The following GLIS3 variants were observed in gnomAD, a reference collection of about 807,000 sequenced individuals.
GLIS3 encodes GLIS family zinc finger 3, also known as zinc finger protein GLIS3.
A neutral mutation model predicts 78.6 loss-of-function variants in GLIS3; 53 were observed. The observed-to-expected ratio is 0.67, with a 90% CI of 0.54 to 0.85. GLIS3 has a LOEUF of 0.85. Among genes scored for constraint, GLIS3 ranks in the 40% least tolerant of loss-of-function variants. GLIS3 has a pLI of 0.00. For missense variants in GLIS3, 1,703 were observed against 1,231.1 expected, an observed-to-expected ratio of 1.38 and a Z score of -5.74; for synonymous variants, 684 against 509.9, an observed-to-expected ratio of 1.34 and a Z score of -4.60.
At chr9:4,188,479 CG>C (rs1818015575) in intron 2 of GLIS3, among the ~76,000 whole-genome samples, 1 of 149,656 alleles carries the variant, frequency 6.7e-6, no homozygotes, top group Admixed American at 6.7e-5. Flanking sequence ...TGTCTCTGCC[CG>C]GCTTTGGTAT....
At chr9:4,391,737 C>CA in the GLIS3 span, among the ~76,000 whole-genome samples, 15 of 152,080 alleles carry the variant, frequency 9.9e-5, no homozygotes, top group Non-Finnish European at 2.1e-4. Flanking sequence ...GCACTTAGTA[C>CA]AATGAAACAC....
chr9:3,873,722 G>C (rs73640780), intron 8 of GLIS3, among the ~76,000 whole-genome samples: 64 of 152,216 alleles, frequency 4.2e-4, no homozygotes, highest in African/African-American at 1.5e-3. Context: ...GCAAATTACT[G>C]AAAGGCCTAG....
At chr9:4,439,833 C>A in the GLIS3 span, among the ~76,000 whole-genome samples, 1 of 152,132 alleles carries the variant, frequency 6.6e-6, no homozygotes, top group Non-Finnish European at 1.5e-5. Context: ...AACACCCTAC[C>A]ACACCAGGCT....
chr9:4,007,941 T>A (rs1821693717), intron 4 of GLIS3, among the ~76,000 whole-genome samples: 1 of 151,634 alleles, frequency 6.6e-6, no homozygotes, highest in Non-Finnish European at 1.5e-5. Context: ...CCAGATAGCT[T>A]GGGCCCTTGA....
upstream of GLIS3, among the ~76,000 whole-genome samples, chr9:4,353,113 C>G (rs1817996074): frequency 6.6e-6 from 1 of 152,064 alleles, no homozygotes; most frequent in Non-Finnish European, 1.5e-5. Context: ...CCTGGGTGAA[C>G]AATACAACTT....
At chr9:4,409,866 C>T in the GLIS3 span, among the ~76,000 whole-genome samples, 8 of 152,158 alleles carry the variant, frequency 5.3e-5, no homozygotes, top group African/African-American at 1.7e-4. Flanking sequence ...ACGTGGCTAC[C>T]GGAAGATCCC....
chr9:3,870,302 T>C (rs915355165), intron 8 of GLIS3, among the ~76,000 whole-genome samples: 5 of 152,122 alleles, frequency 3.3e-5, no homozygotes, highest in Non-Finnish European at 5.9e-5. Flanking sequence ...AGAAAGAACT[T>C]TGGAAACCAT....
intron 1 of GLIS3, 145 bp downstream of exon 1, chr9:4,299,276 C>T (rs1373121230): frequency 6.6e-6 from 1 of 152,156 alleles, no homozygotes; most frequent in Non-Finnish European, 1.5e-5. Flanking sequence ...TATCCTTAAA[C>T]CCGCGCGAAC....
intron 4 of GLIS3, among the ~76,000 whole-genome samples, chr9:3,991,825 G>A (rs530287296): frequency 1.3e-5 from 2 of 151,724 alleles, no homozygotes; most frequent in South Asian, 4.2e-4. Flanking sequence ...CGAGTAGCTG[G>A]GACTACAGGC....
In GLIS3 at chr9:4,337,266, C is replaced by T. The variant is rs762781131; in HGVS notation, n.264+9815G>A. On this transcript the variant is annotated intron_variant and non_coding_transcript_variant, in intron 2 of 4. Coordinates refer to the GLIS3 transcript ENST00000471664. ...AGAAAAATACTTTATCTACAAAGACCTTCACCAAAGTGTTAATTATTGTAA... is the reference window on the plus strand; with the variant it reads ...AGAAAAATACTTTATCTACAAAGACTTTCACCAAAGTGTTAATTATTGTAA... 4.6e-5 allele frequency among the ~76,000 whole-genome samples: 7 copies of T among 152,172 alleles called. No homozygotes were observed. In the East Asian group the frequency reaches 1.2e-3, roughly 25 times the overall value.
intron 5 of GLIS3, among the ~76,000 whole-genome samples, chr9:3,933,362 C>G (rs934865999): frequency 6.6e-6 from 1 of 152,066 alleles, no homozygotes; most frequent in African/African-American, 2.4e-5. Context: ...TTGTATCCTT[C>G]GTGCTTAGTA....
At chr9:4,008,188 G>C (rs1821713844) in intron 4 of GLIS3, among the ~76,000 whole-genome samples, 1 of 152,192 alleles carries the variant, frequency 6.6e-6, no homozygotes, top group East Asian at 1.9e-4. Flanking sequence ...AGCTCAGAGG[G>C]ATGCTATAAG....
At chr9:3,917,437 A>G (rs1824592946) in intron 6 of GLIS3, among the ~76,000 whole-genome samples, 1 of 152,234 alleles carries the variant, frequency 6.6e-6, no homozygotes, top group Admixed American at 6.5e-5. Flanking sequence ...CTCCATTGAA[A>G]TTCATTTTAG....
At chr9:4,230,315 A>T (rs1251322953) in intron 2 of GLIS3, among the ~76,000 whole-genome samples, 2 of 152,250 alleles carry the variant, frequency 1.3e-5, no homozygotes, top group East Asian at 3.8e-4. Flanking sequence ...GCAGGCCAGA[A>T]GCAGGCAGGG....
the GLIS3 span, among the ~76,000 whole-genome samples, chr9:4,462,419 C>A: frequency 6.6e-6 from 1 of 152,044 alleles, no homozygotes; most frequent in Non-Finnish European, 1.5e-5. Context: ...ACATGTGGCA[C>A]AAACTGCATT....
chr9:4,393,894 G>T, the GLIS3 span, among the ~76,000 whole-genome samples: 1 of 152,118 alleles, frequency 6.6e-6, no homozygotes, highest in Non-Finnish European at 1.5e-5. Flanking sequence ...TTTACCGCCA[G>T]TAATATAATG....
At chr9:4,408,536 G>A in the GLIS3 span, among the ~76,000 whole-genome samples, 3 of 151,790 alleles carry the variant, frequency 2.0e-5, no homozygotes, top group African/African-American at 4.8e-5. Context: ...AGACCATCCT[G>A]GCTAACACGG....
the GLIS3 span, among the ~76,000 whole-genome samples, chr9:4,364,496 G>A: frequency 0.025 from 3,791 of 152,136 alleles, 171 homozygotes; most frequent in African/African-American, 0.087. Flanking sequence ...AAATTATGGT[G>A]TAAATGATGC....
chr9:4,448,880 A>T, the GLIS3 span, among the ~76,000 whole-genome samples: 1 of 152,242 alleles, frequency 6.6e-6, no homozygotes, highest in African/African-American at 2.4e-5. Flanking sequence ...GAATAGCTCC[A>T]GTCTGCAGCT....
Sources: gnomAD v4.1 joint callset for allele counts (sites outside exome capture counted in the v4.1 genomes callset) on GRCh38, gnomAD v4.1.1 for gene constraint, MANE v1.5 for transcripts, NCBI Gene and HGNC (gene_info 2026-07-23, HGNC 2026-07-21) for gene names.